Variants in NPR3 observed in about 807,000 individuals in gnomAD.
NPR3 encodes natriuretic peptide receptor 3.
Under a neutral mutation model 54.5 loss-of-function variants are expected in NPR3, and 34 were observed. That is an observed-to-expected ratio of 0.62 (90% confidence interval 0.47 to 0.83). NPR3 has a LOEUF of 0.83. Ranked by LOEUF, NPR3 falls within the 40% of genes least tolerant of loss-of-function variation. NPR3 has a pLI of 0.00. For missense variants in NPR3, 674 were observed against 720.8 expected (o/e 0.94, Z 0.74); for synonymous variants, 289 against 297.1 (o/e 0.97, Z 0.28).
chr5:32,784,972 T>C, intron 7 of NPR3, 89 bp downstream of exon 7: 1 of 1,087,930 alleles, frequency 9.2e-7, no homozygotes, highest in Non-Finnish European at 1.4e-6. Flanking sequence ...TTTGTCCACA[T>C]CCCTCTTTCA....
intron 1 of NPR3, 22 bp downstream of exon 1, chr5:32,712,567 G>T: frequency 6.7e-7 from 1 of 1,501,958 alleles, no homozygotes; most frequent in Non-Finnish European, 8.8e-7. Context: ...CGCGTCCCGG[G>T]CCCCGGGCCC....
intron 1 of NPR3, among the ~76,000 whole-genome samples, chr5:32,701,049 C>A (rs978323538): frequency 6.6e-6 from 1 of 152,218 alleles, no homozygotes; most frequent in African/African-American, 2.4e-5. Flanking sequence ...CACATCCTCT[C>A]CAGCATCTGT....
chr5:32,754,715 T>C (rs774348954), intron 3 of NPR3, among the ~76,000 whole-genome samples: 10 of 152,268 alleles, frequency 6.6e-5, no homozygotes, highest in Middle Eastern at 3.4e-3. Flanking sequence ...GAGAGGATTA[T>C]TTTTTGTATA....
In NPR3 at chr5:32,791,118, C is replaced by T. The variant is rs1401409352; in HGVS notation, c.*4773C>T. 1.2e-5 allele frequency: 2 copies of T among 167,038 alleles called. No homozygotes were observed. The highest frequency in any genetic ancestry group is 4.8e-5 in the African/African-American group (2 of 41,432). The allele number at this position is 167,038 out of a possible 1,614,324, so 10.3% of individuals were successfully genotyped here. ...TTCAGATTTGGAAACAGGGTGGCCT[C>T]TTCATTATTTATTGCCAAGATCTGA... On this transcript the variant is annotated 3_prime_UTR_variant, in exon 8 of 8. Transcript: ENST00000265074.
intron 1 of NPR3, among the ~76,000 whole-genome samples, chr5:32,700,199 G>A (rs1281146371): frequency 6.6e-6 from 1 of 152,066 alleles, no homozygotes; most frequent in African/African-American, 2.4e-5. Flanking sequence ...TCTGCTTGGT[G>A]TTCTATAACT....
At chr5:32,739,185 T>TGTG in intron 3 of NPR3, among the ~76,000 whole-genome samples, 155 bp downstream of exon 3, 1 of 147,632 alleles carries the variant, frequency 6.8e-6, no homozygotes, top group South Asian at 2.2e-4. Context: ...GTGTGTGTGT[T>TGTG]TTTTTTTTTT....
chr5:32,737,799 T>C (rs1561098141), intron 2 of NPR3, among the ~76,000 whole-genome samples: 1 of 152,190 alleles, frequency 6.6e-6, no homozygotes, highest in Non-Finnish European at 1.5e-5. Context: ...CTGGGATACC[T>C]AGCTTCTCAA....
intron 3 of NPR3, among the ~76,000 whole-genome samples, chr5:32,747,568 C>A (rs1740364448): frequency 1.3e-5 from 2 of 152,046 alleles, no homozygotes; most frequent in Non-Finnish European, 2.9e-5. Flanking sequence ...TTCACTTTCT[C>A]TGCCAAACAT....
chr5:32,782,178 T>C (rs1468928642), intron 5 of NPR3, among the ~76,000 whole-genome samples: 1 of 151,912 alleles, frequency 6.6e-6, no homozygotes, highest in Non-Finnish European at 1.5e-5. Context: ...GCACATAGGG[T>C]GGGTTCATCA....
chr5:32,735,313 T>A (rs1350444956), intron 2 of NPR3, among the ~76,000 whole-genome samples: 1 of 152,150 alleles, frequency 6.6e-6, no homozygotes, highest in Non-Finnish European at 1.5e-5. Context: ...TTTGGCGTCA[T>A]CTGTGACATG....
chr5:32,740,125 AG>A (rs1561100611), intron 3 of NPR3, among the ~76,000 whole-genome samples: 2 of 152,208 alleles, frequency 1.3e-5, no homozygotes, highest in African/African-American at 2.4e-5. Flanking sequence ...ACTTCATAAG[AG>A]ATGGCCACTT....
chr5:32,744,518 C>T (rs1740199139), intron 3 of NPR3, among the ~76,000 whole-genome samples: 2 of 152,166 alleles, frequency 1.3e-5, no homozygotes, highest in Admixed American at 6.5e-5. Flanking sequence ...ATAATATTCA[C>T]CACAATGCCA....
chr5:32,776,163 G>A (rs558468330), intron 4 of NPR3, among the ~76,000 whole-genome samples: 2 of 152,306 alleles, frequency 1.3e-5, no homozygotes, highest in Non-Finnish European at 2.9e-5. Flanking sequence ...AGGGGTGATA[G>A]TATGAATGCT....
chr5:32,713,461 G>T, intron 1 of NPR3: 1 of 985,418 alleles, frequency 1.0e-6, no homozygotes, highest in South Asian at 4.7e-5. Flanking sequence ...AGGGAAGGCG[G>T]ACTGAGATGC....
At chr5:32,741,220 C>A (rs887008173) in intron 3 of NPR3, among the ~76,000 whole-genome samples, 2 of 151,900 alleles carry the variant, frequency 1.3e-5, no homozygotes, top group Non-Finnish European at 2.9e-5. Context: ...GAGTTGAAGA[C>A]CAGCTTGGGC....
intron 2 of NPR3, among the ~76,000 whole-genome samples, chr5:32,728,143 G>T (rs1739230954): frequency 1.3e-5 from 2 of 152,040 alleles, no homozygotes; most frequent in Admixed American, 1.3e-4. Context: ...TAGGGTTTTG[G>T]GTCTATATTC....
Position 32,789,217 on chromosome 5 carries a change from C to A in NPR3, c.*2872C>A, listed in dbSNP as rs999764358. The A allele has an allele frequency of 3.5e-6, 1 of 288,782 alleles. No homozygotes were observed. The highest frequency in any genetic ancestry group is 6.9e-6 in the Non-Finnish European group (1 of 144,666). 17.9% of individuals were successfully genotyped at this position (288,782 alleles called of 1,614,324 possible). ...GCTGACATTGATACAGGTCAAAATG[C>A]GTAGATGCTTTTTGGTGTTGGAAAT... On this transcript the variant is annotated 3_prime_UTR_variant, in exon 8 of 8. Coordinates refer to ENST00000265074, the MANE Select transcript of NPR3 (RefSeq NM_001204375.2).
At chr5:32,725,097 G>A (rs1739071342) in intron 2 of NPR3, among the ~76,000 whole-genome samples, 1 of 150,124 alleles carries the variant, frequency 6.7e-6, no homozygotes, top group Admixed American at 6.6e-5. Flanking sequence ...ATAAACATGG[G>A]AACAATAGAC....
At position 32,784,739 on chromosome 5, in the gene NPR3, A is replaced by C. The variant is rs187065592; in HGVS notation, c.1427-57A>C. The C allele has an allele frequency of 7.7e-5, 103 of 1,342,636 alleles. No individual in the cohort carries two copies. The African/African-American group carries it at 1.3e-3, about 17-fold the overall frequency. 83.2% of individuals were successfully genotyped at this position (1,342,636 alleles called of 1,614,324 possible). Reference sequence around the variant, plus strand: ...AACTTCTTGCAATGAATGAAACTCGAGGCATTTCTAACTGTATCTCCAAAT... The same window carrying C: ...AACTTCTTGCAATGAATGAAACTCGCGGCATTTCTAACTGTATCTCCAAAT... On this transcript the variant is annotated intron_variant, in intron 6 of 7. Coordinates refer to ENST00000265074, the MANE Select transcript of NPR3 (RefSeq NM_001204375.2).
Sources: allele counts gnomAD v4.1 joint callset (sites outside exome capture counted in the v4.1 genomes callset), GRCh38; gene constraint gnomAD v4.1.1; transcripts MANE v1.5; gene names NCBI Gene and HGNC (gene_info 2026-07-23, HGNC 2026-07-21).